The following GSTT4 variants were observed in gnomAD, a reference collection of about 807,000 sequenced individuals.
GSTT4 encodes glutathione S-transferase theta-4.
chr22:24,002,612 T>C (rs544511055), intron 2 of GSTT4, among the ~76,000 whole-genome samples: 1 of 44,986 alleles, frequency 2.2e-5, no homozygotes, highest in East Asian at 3.7e-4. Context: ...GGGGGGATCA[T>C]GGGGTCAGGA....
downstream of GSTT4, among the ~76,000 whole-genome samples, chr22:23,994,928 G>T (rs1253061243): frequency 6.6e-6 from 1 of 152,074 alleles, no homozygotes; most frequent in Non-Finnish European, 1.5e-5. Flanking sequence ...TCATCAGGGT[G>T]GTTGTGAGGA....
rs62234071 is a variant in GSTT4, at chr22:24,004,765, C to T, written c.112+480G>A. Reference sequence around the variant, plus strand: ...TGGCGTGGGGACTGTCATTAGTGAGCACTGACTAAGGTAGGCTGGACAAGG... The same window carrying T: ...TGGCGTGGGGACTGTCATTAGTGAGTACTGACTAAGGTAGGCTGGACAAGG... On this transcript the variant is annotated intron_variant, in intron 1 of 4. Transcript: ENST00000621179. 2.4e-3 allele frequency: 361 copies of T among 152,746 alleles called. 3 individuals carry two copies. The highest frequency in any genetic ancestry group is 6.2e-3 in the East Asian group (32 of 5,158). 9.5% of individuals were successfully genotyped at this position (152,746 alleles called of 1,614,324 possible).
At chr22:23,996,743 GC>G (rs368368930), downstream of GSTT4, among the ~76,000 whole-genome samples, 2 of 152,196 alleles carry the variant, frequency 1.3e-5, no homozygotes, top group African/African-American at 4.8e-5. Context: ...CTAATATTTT[GC>G]TGAGGATTTT....
At chr22:23,994,614 G>A (rs558636344), downstream of GSTT4, among the ~76,000 whole-genome samples, 1 of 147,142 alleles carries the variant, frequency 6.8e-6, no homozygotes, top group East Asian at 2.0e-4. Flanking sequence ...CCCTTCTTAT[G>A]GCTGAATAAT....
At chr22:23,991,641 C>T in the GSTT4 span, among the ~76,000 whole-genome samples, 1 of 120,312 alleles carries the variant, frequency 8.3e-6, no homozygotes, top group African/African-American at 2.9e-5. Flanking sequence ...AGCCCCGAGT[C>T]CGGCCACGCC....
chr22:23,995,247 C>G (rs546483560), downstream of GSTT4, among the ~76,000 whole-genome samples: 37 of 136,798 alleles, frequency 2.7e-4, no homozygotes, highest in South Asian at 8.6e-3. Context: ...ATTCTCCTGC[C>G]TCAGCCTCCT....
chr22:23,998,524 G>A lies in GSTT4; in HGVS notation c.*18C>T, dbSNP rs1006097369. ...TTGCTAAGCCAGCCAGGCCCTGCGGGACAGGCTGCGCCTAGGGTCACCTGC... is the reference window on the plus strand; with the variant it reads ...TTGCTAAGCCAGCCAGGCCCTGCGGAACAGGCTGCGCCTAGGGTCACCTGC... On this transcript the variant is annotated 3_prime_UTR_variant, in exon 5 of 5. Coordinates refer to ENST00000621179, the MANE Select transcript of GSTT4 (RefSeq NM_001358664.2). 3.0e-5 allele frequency: 4 copies of A among 132,662 alleles called. No homozygotes were observed. Among genetic ancestry groups the A allele is most frequent in the African/African-American group, 1.1e-4 (4 of 35,666 alleles). The allele number at this position is 132,662 out of a possible 1,614,324, so 8.2% of individuals were successfully genotyped here. A position where few individuals can be genotyped will look rare whatever the true frequency, so the allele number is the denominator to read the frequency against.
chr22:23,993,490 C>T (rs1436120745), downstream of GSTT4, among the ~76,000 whole-genome samples: 2 of 152,228 alleles, frequency 1.3e-5, no homozygotes, highest in African/African-American at 2.4e-5. Context: ...TCATAAGATC[C>T]TCAGGTGATC....
chr22:24,002,244 G>C (rs1157821804), intron 2 of GSTT4, among the ~76,000 whole-genome samples: 1 of 152,258 alleles, frequency 6.6e-6, no homozygotes, highest in Non-Finnish European at 1.5e-5. Context: ...GTGCTGGATG[G>C]AGGGTGAGCC....
chr22:23,998,442 TTTTTTGTTTTTTTG>T lies in GSTT4; in HGVS notation c.*86_*99del, dbSNP rs1367925947. The T allele has an allele frequency of 3.8e-5, 1 of 26,022 alleles. No homozygotes were observed. Among genetic ancestry groups the T allele is most frequent in the South Asian group, 1.3e-3 (1 of 796 alleles). The allele number at this position is 26,022 out of a possible 1,614,324, so 1.6% of individuals were successfully genotyped here. ...TCTTTATTAGGCAAAGAACAGTTGT[TTTTTTGTTTTTTTG>T]TTTTTTTTTTTTTAACATTTCCTTT... On this transcript the variant is annotated 3_prime_UTR_variant, in exon 5 of 5. Coordinates refer to ENST00000621179, the MANE Select transcript of GSTT4 (RefSeq NM_001358664.2).
At chr22:23,990,751 A>G in the GSTT4 span, among the ~76,000 whole-genome samples, 1 of 100,450 alleles carries the variant, frequency 1.0e-5, no homozygotes, top group South Asian at 4.5e-4. Flanking sequence ...TTTTCCAAGC[A>G]CATGGGGTGA....
At chr22:24,000,666 G>C (rs145217812) in intron 3 of GSTT4, among the ~76,000 whole-genome samples, 9,396 of 123,942 alleles carry the variant, frequency 0.076, 144 homozygotes, top group African/African-American at 0.2. Flanking sequence ...TCAAGCAATT[G>C]TCCTGCCTCA....
intron 3 of GSTT4, among the ~76,000 whole-genome samples, chr22:24,000,721 G>C (rs2034211515): frequency 7.1e-6 from 1 of 141,286 alleles, no homozygotes; most frequent in African/African-American, 3.0e-5. Context: ...ACCACACCCA[G>C]CTAATAATTT....
downstream of GSTT4, among the ~76,000 whole-genome samples, chr22:23,994,883 T>C (rs998827444): frequency 7.2e-5 from 11 of 152,226 alleles, no homozygotes; most frequent in Admixed American, 5.9e-4. Flanking sequence ...GAAGAACTTG[T>C]TTCTTCATCT....
intron 2 of GSTT4, among the ~76,000 whole-genome samples, 196 bp from the exon 3 acceptor site, chr22:24,001,521 A>G (rs2034230375): frequency 6.6e-6 from 1 of 152,262 alleles, no homozygotes; most frequent in Non-Finnish European, 1.5e-5. Flanking sequence ...CGGGGTGAGT[A>G]GGAGTTGGGG....
chr22:24,003,140 CT>C (rs1032425765), intron 2 of GSTT4, among the ~76,000 whole-genome samples: 6 of 140,398 alleles, frequency 4.3e-5, no homozygotes, highest in African/African-American at 1.3e-4. Flanking sequence ...CAGCCTGTTG[CT>C]TTTTTTTTGT....
At chr22:23,997,440 C>G, downstream of GSTT4, among the ~76,000 whole-genome samples, 1 of 152,094 alleles carries the variant, frequency 6.6e-6, no homozygotes, top group Non-Finnish European at 1.5e-5. Flanking sequence ...CCAGGCTGTT[C>G]TCAATCTCCT....
chr22:23,998,998 A>C (rs1020160038), intron 4 of GSTT4, among the ~76,000 whole-genome samples: 1 of 152,250 alleles, frequency 6.6e-6, no homozygotes, highest in African/African-American at 2.4e-5. Flanking sequence ...CTCCTGGCCC[A>C]GGCACTTCCC....
chr22:23,994,245 A>G (rs1282269361), downstream of GSTT4, among the ~76,000 whole-genome samples: 1 of 152,074 alleles, frequency 6.6e-6, no homozygotes, highest in Non-Finnish European at 1.5e-5. Flanking sequence ...TAATTCCCAT[A>G]CCATAATATC....
Sources: gnomAD v4.1 joint callset for allele counts (sites outside exome capture counted in the v4.1 genomes callset) on GRCh38, gnomAD v4.1.1 for gene constraint, MANE v1.5 for transcripts, NCBI Gene and HGNC (gene_info 2026-07-23, HGNC 2026-07-21) for gene names.